ADAMTS2: variants seen among roughly 807,000 people sequenced by gnomAD.
ADAMTS2 encodes the protein ADAM metallopeptidase with thrombospondin type 1 motif 2.
In ADAMTS2, 50 loss-of-function variants were observed where a neutral mutation model predicts 123.0. That is an observed-to-expected ratio of 0.41 (90% CI 0.32 to 0.51). ADAMTS2 has a LOEUF of 0.51. Among genes scored for constraint, ADAMTS2 ranks in the 20% least tolerant of loss-of-function variants. The pLI is 0.35. For synonymous variants in ADAMTS2, 678 were observed against 695.4 expected (o/e 0.98, Z 0.39); for missense variants, 1,494 against 1,705.2 (o/e 0.88, Z 2.18).
intron 10 of ADAMTS2, chr5:179,150,841 G>A (rs1417439042): frequency 6.5e-6 from 1 of 154,490 alleles, no homozygotes; most frequent in East Asian, 1.9e-4. Flanking sequence ...ACCGGGTAGT[G>A]GCGATGGTTG....
rs1283505276 is a variant in ADAMTS2 at position 179,189,942 on chromosome 5, G to A, written c.892-8787C>T. Reference sequence around the variant, plus strand: ...TATCACAAAGTACATTACCCCAAGGGCGGAGAGGGTGTATTGTTCACAAAT... The same window carrying A: ...TATCACAAAGTACATTACCCCAAGGACGGAGAGGGTGTATTGTTCACAAAT... On this transcript the variant is annotated intron_variant, in intron 4 of 21. Coordinates refer to ENST00000251582, the MANE Select transcript of ADAMTS2 (RefSeq NM_014244.5). The surrounding 1 kb of genome is among the most constrained non-coding windows in gnomAD (Gnocchi z 4.2). Among the ~76,000 whole-genome samples the A allele has an allele frequency of 6.6e-6, 1 of 152,142 alleles. No homozygotes were observed. Among genetic ancestry groups the A allele is most frequent in the East Asian group, 1.9e-4 (1 of 5,194 alleles).
chr5:179,192,064 G>A (rs1764317963), intron 4 of ADAMTS2, among the ~76,000 whole-genome samples: 1 of 152,158 alleles, frequency 6.6e-6, no homozygotes, highest in African/African-American at 2.4e-5. Flanking sequence ...AAGCTGAGGA[G>A]GACTCAGGCC....
chr5:179,162,646 A>G lies in ADAMTS2; in HGVS notation c.976-3767T>C, dbSNP rs1581162321. On this transcript the variant is annotated intron_variant, in intron 5 of 21. Coordinates refer to ENST00000251582, the MANE Select transcript of ADAMTS2 (RefSeq NM_014244.5). The surrounding 1 kb of genome is among the most constrained non-coding windows in gnomAD (Gnocchi z 5.1). ...GACCCAAGAGACAACAAGAGAAGGC[A>G]CCTCCCCTACAGAAGCCACAGTCTG... Among the ~76,000 whole-genome samples, 1 of 152,064 alleles carries G rather than the reference A, an allele frequency of 6.6e-6. No homozygotes were observed. Among genetic ancestry groups the G allele is most frequent in the African/African-American group, 2.4e-5 (1 of 41,390 alleles).
intron 2 of ADAMTS2, among the ~76,000 whole-genome samples, chr5:179,284,166 T>C (rs1755931488): frequency 6.7e-6 from 1 of 150,102 alleles, no homozygotes; most frequent in Non-Finnish European, 1.5e-5. Context: ...CCGTCTCTAC[T>C]AAAAACACAA....
At chr5:179,182,506 G>A (rs912455847) in intron 4 of ADAMTS2, among the ~76,000 whole-genome samples, 2 of 152,160 alleles carry the variant, frequency 1.3e-5, no homozygotes, top group African/African-American at 4.8e-5. Context: ...TTCACAAGGA[G>A]AATGACATCA....
intron 3 of ADAMTS2, among the ~76,000 whole-genome samples, chr5:179,208,007 T>C (rs953774892): frequency 4.0e-5 from 6 of 151,778 alleles, no homozygotes; most frequent in African/African-American, 1.2e-4. Flanking sequence ...CTCCACACGA[T>C]GGATCAGACC....
intron 2 of ADAMTS2, chr5:179,341,300 T>A: frequency 2.8e-6 from 1 of 362,194 alleles, no homozygotes; most frequent in Non-Finnish European, 5.5e-6. Context: ...GATGGGCAGA[T>A]CGCTTGAGGT....
chr5:179,258,397 C>T (rs939445127), intron 3 of ADAMTS2, among the ~76,000 whole-genome samples: 3 of 152,170 alleles, frequency 2.0e-5, no homozygotes, highest in South Asian at 2.1e-4. Flanking sequence ...CCCTGCTGGA[C>T]GTCGCCTGGC....
chr5:179,318,603 G>C (rs1757068712), intron 2 of ADAMTS2, among the ~76,000 whole-genome samples: 1 of 152,210 alleles, frequency 6.6e-6, no homozygotes, highest in Non-Finnish European at 1.5e-5. Context: ...TTGACAGTTA[G>C]AAGACGACAA....
chr5:179,189,558 A>T lies in ADAMTS2; in HGVS notation c.892-8403T>A, dbSNP rs544506138. On this transcript the variant is annotated intron_variant, in intron 4 of 21. Transcript: ENST00000251582. The surrounding 1 kb of genome is among the most constrained non-coding windows in gnomAD (Gnocchi z 4.2). ...TTTTTTAGTAGAGGCAGGGTTTCACAATGTTAGCCAGGATGGTCTTGATCT... is the reference window on the plus strand; with the variant it reads ...TTTTTTAGTAGAGGCAGGGTTTCACTATGTTAGCCAGGATGGTCTTGATCT... Among the ~76,000 whole-genome samples the T allele has an allele frequency of 4.9e-5, 6 of 122,256 alleles. No homozygotes were observed. Among genetic ancestry groups the T allele is most frequent in the South Asian group, 2.7e-4 (1 of 3,656 alleles). 80.2% of individuals were successfully genotyped at this position (122,256 alleles called of 152,430 possible).
intron 2 of ADAMTS2, among the ~76,000 whole-genome samples, chr5:179,292,116 A>T (rs999591542): frequency 1.4e-4 from 22 of 152,128 alleles, no homozygotes; most frequent in Middle Eastern, 3.4e-3. Flanking sequence ...GGCAAGATCC[A>T]CATTGGTGGT....
intron 3 of ADAMTS2, among the ~76,000 whole-genome samples, chr5:179,271,576 T>C (rs778856777): frequency 7.2e-5 from 11 of 151,984 alleles, no homozygotes; most frequent in Non-Finnish European, 1.3e-4. Context: ...TGCAAAATAG[T>C]CCAAGGGTGG....
At chr5:179,232,524 T>C (rs1217350463) in intron 3 of ADAMTS2, among the ~76,000 whole-genome samples, 1 of 152,252 alleles carries the variant, frequency 6.6e-6, no homozygotes, top group Non-Finnish European at 1.5e-5. Flanking sequence ...GTCTGTGCTC[T>C]TGAACGCTGT....
chr5:179,186,283 C>T (rs897813988), intron 4 of ADAMTS2, among the ~76,000 whole-genome samples: 1 of 152,238 alleles, frequency 6.6e-6, no homozygotes, highest in Non-Finnish European at 1.5e-5. Flanking sequence ...GGTGGTTCTC[C>T]TGCCCCTGCG....
At chr5:179,331,829 CAT>C (rs981060887) in intron 2 of ADAMTS2, among the ~76,000 whole-genome samples, 10 of 152,192 alleles carry the variant, frequency 6.6e-5, no homozygotes, top group African/African-American at 9.7e-5. Flanking sequence ...TGACACCAAA[CAT>C]GTGGTTTCCC....
intron 3 of ADAMTS2, among the ~76,000 whole-genome samples, chr5:179,208,479 C>T (rs1764772269): frequency 6.6e-6 from 1 of 152,328 alleles, no homozygotes; most frequent in Admixed American, 6.5e-5. Context: ...CGGCCCTGGG[C>T]AGGCACTGAC....
At chr5:179,344,349 C>T (rs1044575676) in intron 1 of ADAMTS2, among the ~76,000 whole-genome samples, 188 bp from the exon 2 acceptor site, 1 of 152,238 alleles carries the variant, frequency 6.6e-6, no homozygotes, top group Non-Finnish European at 1.5e-5. Context: ...GTTAACAGGG[C>T]CACCACTCCG....
At chr5:179,201,691 A>AC (rs1764570605) in intron 4 of ADAMTS2, among the ~76,000 whole-genome samples, 1 of 151,112 alleles carries the variant, frequency 6.6e-6, no homozygotes, top group Admixed American at 6.6e-5. Context: ...AATCCCAGCT[A>AC]CTCAGGAGGC....
At position 179,231,747 on chromosome 5, in the gene ADAMTS2, C is replaced by T. The variant is rs545293732; in HGVS notation, c.689-24032G>A. On this transcript the variant is annotated intron_variant, in intron 3 of 21. Transcript: ENST00000251582. ...TTATAAATACACATGAGAGTCTTCT[C>T]GGTGCAGTGAATAGTGAAGTCAGCA... 2.6e-5 allele frequency among the ~76,000 whole-genome samples: 4 copies of T among 152,014 alleles called. No homozygotes were observed. The East Asian group carries it at 7.8e-4, about 29-fold the overall frequency.
Sources: gnomAD v4.1 joint callset for allele counts (sites outside exome capture counted in the v4.1 genomes callset) on GRCh38, gnomAD v4.1.1 for gene constraint, Gnocchi (gnomAD v3.1) non-coding constraint, MANE v1.5 for transcripts, NCBI Gene and HGNC (gene_info 2026-07-23, HGNC 2026-07-21) for gene names.